Variants in STK32B observed in about 807,000 individuals in gnomAD.
STK32B encodes the protein serine/threonine kinase 32B.
STK32B carries 43 observed loss-of-function variants against 52.6 expected under a neutral mutation model. The observed-to-expected ratio is 0.82, with a 90% CI of 0.64 to 1.05. The LOEUF is 1.05. STK32B is among the 50% of genes least tolerant of loss of function. STK32B has a pLI of 0.00. For synonymous variants in STK32B, 238 were observed against 204.3 expected (o/e 1.17, Z -1.41); for missense variants, 621 against 534.6 (o/e 1.16, Z -1.59).
chr4:5,182,788 T>G (rs1004244357), intron 3 of STK32B, among the ~76,000 whole-genome samples: 1 of 152,098 alleles, frequency 6.6e-6, no homozygotes, highest in African/African-American at 2.4e-5. Flanking sequence ...TAATAAGATG[T>G]GAAGGTCAAG....
chr4:5,443,002 G>A (rs1163112397), intron 6 of STK32B, among the ~76,000 whole-genome samples: 2 of 151,340 alleles, frequency 1.3e-5, no homozygotes, highest in Non-Finnish European at 2.9e-5. Context: ...TTCCCTTTGA[G>A]GGTAACCCGA....
Position 5,100,310 on chromosome 4 carries a change from AC to A in STK32B, c.53-39591del, listed in dbSNP as rs375349975. ...AGCACTGCTGTGGAAGGACAAGGTT[AC>A]CCCTCCCTCCCTTCTCCCTCCCTCC... On this transcript the variant is annotated intron_variant, in intron 1 of 11. Coordinates refer to ENST00000282908, the MANE Select transcript of STK32B (RefSeq NM_018401.3). Among the ~76,000 whole-genome samples the A allele has an allele frequency of 8.8e-3, 1,292 of 146,094 alleles. 18 individuals are homozygous for A. Among genetic ancestry groups the A allele is most frequent in the African/African-American group, 0.03 (1,207 of 40,164 alleles).
At position 5,092,864 on chromosome 4, in the gene STK32B, G is replaced by T. The variant is rs77642655; in HGVS notation, c.52+40949G>T. Among the ~76,000 whole-genome samples the T allele has an allele frequency of 3.3e-3, 504 of 152,272 alleles. 16 individuals carry two copies. In the East Asian group the frequency reaches 0.083, roughly 25 times the overall value. ...AATTTCAATTTGACATGCGATTTGGGTGGGGGACACAGATCCAAACTGTAT... is the reference window on the plus strand; with the variant it reads ...AATTTCAATTTGACATGCGATTTGGTTGGGGGACACAGATCCAAACTGTAT... On this transcript the variant is annotated intron_variant, in intron 1 of 11. Transcript: ENST00000282908.
intron 1 of STK32B, among the ~76,000 whole-genome samples, chr4:5,100,525 TCTTTCC>T (rs1713678935): frequency 7.2e-6 from 1 of 139,834 alleles, no homozygotes; most frequent in Non-Finnish European, 1.6e-5. Context: ...CCTTCTTCTC[TCTTTCC>T]TTCCTTCCTT....
At position 5,399,049 on chromosome 4, in the gene STK32B, G is replaced by GT. The variant is rs917869961; in HGVS notation, c.472+808dup. ...TGTGTTGGGATGGAATGCCCACAAA[G>GT]TTTAAGAACCATGAGCCTAGGGCTC... On this transcript the variant is annotated intron_variant, in intron 5 of 11. Transcript: ENST00000282908. This position sits in a 1 kb window ranked among gnomAD's most constrained non-coding sequence, Gnocchi z 5.4. Among the ~76,000 whole-genome samples, 4 of 152,224 alleles carry GT rather than the reference G, an allele frequency of 2.6e-5. No individual in the cohort carries two copies. The highest frequency in any genetic ancestry group is 9.6e-5 in the African/African-American group (4 of 41,466).
chr4:5,228,422 G>A (rs2108803093), intron 3 of STK32B, among the ~76,000 whole-genome samples: 1 of 152,340 alleles, frequency 6.6e-6, no homozygotes, highest in African/African-American at 2.4e-5. Context: ...GGCTTCATCA[G>A]CCTCAGCCAC....
chr4:5,315,118 G>A (rs66497935), intron 3 of STK32B, among the ~76,000 whole-genome samples: 17,738 of 152,068 alleles, frequency 0.12, 2,614 homozygotes, highest in African/African-American at 0.35. Flanking sequence ...GAGTTCTCAA[G>A]TCTCAACAGT....
chr4:5,370,759 G>A (rs1433797900), intron 4 of STK32B, among the ~76,000 whole-genome samples: 3 of 152,160 alleles, frequency 2.0e-5, no homozygotes, highest in Non-Finnish European at 4.4e-5. Flanking sequence ...TTGGGAGGCT[G>A]AGGTGGATGG....
intron 4 of STK32B, among the ~76,000 whole-genome samples, chr4:5,379,662 C>T (rs1299972712): frequency 6.6e-5 from 10 of 152,000 alleles, no homozygotes; most frequent in Non-Finnish European, 1.0e-4. Context: ...GGTGTCCTTA[C>T]GACAAGAGGC....
intron 1 of STK32B, among the ~76,000 whole-genome samples, chr4:5,126,105 A>G (rs192576010): frequency 5.3e-5 from 8 of 152,174 alleles, no homozygotes; most frequent in African/African-American, 1.9e-4. Context: ...CCATTCCTCC[A>G]TATGTCTGTT....
chr4:5,385,666 A>T (rs956257847), intron 4 of STK32B, among the ~76,000 whole-genome samples: 1 of 151,948 alleles, frequency 6.6e-6, no homozygotes, highest in African/African-American at 2.4e-5. Context: ...CTCTGCAAAG[A>T]TCTCCAGGTC....
chr4:5,355,491 A>T lies in STK32B; in HGVS notation c.434+24098A>T, dbSNP rs115936468. 8.5e-3 allele frequency among the ~76,000 whole-genome samples: 1,298 copies of T among 152,238 alleles called. 14 individuals are homozygous for T. Among genetic ancestry groups the T allele is most frequent in the African/African-American group, 0.029 (1,202 of 41,528 alleles). ...TTTTATTTGTTCTATCCACCTGGTT[A>T]ACTTTTTCTTATCTGTCAGAACTTA... On this transcript the variant is annotated intron_variant, in intron 4 of 11. Transcript: ENST00000282908.
chr4:5,129,880 CT>C (rs1379158737), intron 1 of STK32B, among the ~76,000 whole-genome samples: 1 of 152,076 alleles, frequency 6.6e-6, no homozygotes, highest in Non-Finnish European at 1.5e-5. Context: ...CTTGTTCTTT[CT>C]TTTTTTATTC....
intron 11 of STK32B, among the ~76,000 whole-genome samples, chr4:5,476,249 G>A (rs561929747): frequency 3.6e-4 from 55 of 152,274 alleles, no homozygotes; most frequent in South Asian, 1.5e-3. Context: ...TAAGTCATCC[G>A]TCTGAGGTCA....
chr4:5,446,723 CCTGTCGA>C lies in STK32B; in HGVS notation c.617_623del (p.Val206GlyfsTer52). ...GGACAGAGGCCCCGGATACTCGTAC[CCTGTCGA>C]CTGGTGGTCCCTGGGCATCACAGCC... is the stretch of plus-strand genomic sequence containing the variant. On this transcript the variant is annotated frameshift_variant, in exon 7 of 12. Coordinates refer to ENST00000282908, the MANE Select transcript of STK32B (RefSeq NM_018401.3). LOFTEE classifies it high-confidence loss of function. 1 of 1,614,086 alleles carries C rather than the reference CCTGTCGA, an allele frequency of 6.2e-7. No individual in the cohort carries two copies. Among genetic ancestry groups the C allele is most frequent in the Non-Finnish European group, 8.5e-7 (1 of 1,180,018 alleles).
At chr4:5,290,538 CGTGGTACATGCAGTCCATT>C (rs1220653232) in intron 3 of STK32B, among the ~76,000 whole-genome samples, 2 of 152,116 alleles carry the variant, frequency 1.3e-5, no homozygotes, top group Admixed American at 6.5e-5. Context: ...ATGGGACCAC[CGTGGTACATGCAGTCCATT>C]GTTGACTGAA....
At position 5,385,184 on chromosome 4, in the gene STK32B, G is replaced by GCCAGAGCTA. The variant is rs1736170109; in HGVS notation, c.435-13023_435-13022insCCAGAGCTA. Among the ~76,000 whole-genome samples, 3 of 152,092 alleles carry GCCAGAGCTA rather than the reference G, an allele frequency of 2.0e-5. No individual in the cohort carries two copies. In the South Asian group the frequency reaches 6.2e-4, roughly 31 times the overall value. On this transcript the variant is annotated intron_variant, in intron 4 of 11. Coordinates refer to ENST00000282908, the MANE Select transcript of STK32B (RefSeq NM_018401.3). ...CCTGGCCAGAGCTAGAGGGAATGGG[G>GCCAGAGCTA]GAGAAGAACAGGAGGGTTTAGATTA... is the stretch of plus-strand genomic sequence containing the variant.
chr4:5,330,485 C>T (rs1312446463), intron 3 of STK32B, among the ~76,000 whole-genome samples: 2 of 152,176 alleles, frequency 1.3e-5, no homozygotes, highest in Non-Finnish European at 2.9e-5. Context: ...GAAAACACCA[C>T]CATTTAATCA....
chr4:5,223,244 T>G (rs1010879857), intron 3 of STK32B, among the ~76,000 whole-genome samples: 9 of 152,096 alleles, frequency 5.9e-5, no homozygotes, highest in African/African-American at 1.2e-4. Flanking sequence ...CCACCTAGAT[T>G]TCAAAGAATG....
Sources: allele counts gnomAD v4.1 joint callset (sites outside exome capture counted in the v4.1 genomes callset), GRCh38; gene constraint gnomAD v4.1.1; non-coding constraint Gnocchi (gnomAD v3.1); transcripts MANE v1.5; gene names NCBI Gene and HGNC (gene_info 2026-07-23, HGNC 2026-07-21).